DYRK1A: variants seen among roughly 807,000 people sequenced by gnomAD.
DYRK1A encodes dual specificity tyrosine-phosphorylation-regulated kinase 1A.
Under a neutral mutation model 79.7 loss-of-function variants are expected in DYRK1A, and 9 were observed. The ratio of observed to expected loss-of-function variants is 0.11; its 90% CI spans 0.07 to 0.20. The LOEUF (loss-of-function observed/expected upper bound fraction) is 0.20. Among genes scored for constraint, DYRK1A ranks in the 10% least tolerant of loss-of-function variants. The pLI, the probability that DYRK1A is intolerant of heterozygous loss-of-function variation, is 1.00. For synonymous variants in DYRK1A, 349 were observed against 329.7 expected (o/e 1.06, Z -0.63); for missense variants, 622 against 956.0 (o/e 0.65, Z 4.61).
intron 2 of DYRK1A, among the ~76,000 whole-genome samples, chr21:37,448,626 ATATTT>A (rs2051347111): frequency 6.6e-6 from 1 of 152,224 alleles, no homozygotes; most frequent in Non-Finnish European, 1.5e-5. Flanking sequence ...AAAAACTTGT[ATATTT>A]TATTTAAACT....
At chr21:37,418,373 A>G (rs2050398739) in intron 1 of DYRK1A, among the ~76,000 whole-genome samples, 2 of 152,168 alleles carry the variant, frequency 1.3e-5, no homozygotes, top group African/African-American at 4.8e-5. Context: ...GATGTGTCTT[A>G]CCTTTAGATT....
intron 1 of DYRK1A, among the ~76,000 whole-genome samples, chr21:37,396,493 TGA>T (rs2049961709): frequency 6.6e-6 from 1 of 151,988 alleles, no homozygotes; most frequent in African/African-American, 2.4e-5. Flanking sequence ...AATTATTTTT[TGA>T]GTCAGTGAAT....
chr21:37,476,539 A>G (rs768095934), intron 3 of DYRK1A, among the ~76,000 whole-genome samples: 8 of 152,196 alleles, frequency 5.3e-5, no homozygotes, highest in African/African-American at 9.7e-5. Flanking sequence ...AACTACCTAC[A>G]TGAAAACAAT....
rs1314723703 is a variant in DYRK1A, at chr21:37,490,161, G to C, written c.638-14G>C. 8 of 1,605,866 alleles carry C rather than the reference G, an allele frequency of 5.0e-6. No homozygotes were observed. In the East Asian group the frequency reaches 1.1e-4, roughly 22 times the overall value. On this transcript the variant is annotated splice_polypyrimidine_tract_variant and intron_variant, in intron 6 of 11. Coordinates refer to ENST00000647188, the MANE Select transcript of DYRK1A (RefSeq NM_001347721.2). The stretch of plus-strand genomic sequence containing the variant: ...GGTATATATAATTTAAAATGAAACT[G>C]TTTTCTCTTTCAGTGCATTTGAAAC...
chr21:37,399,568 TTTGGTG>T (rs1391476567), intron 1 of DYRK1A, among the ~76,000 whole-genome samples: 2 of 152,162 alleles, frequency 1.3e-5, no homozygotes, highest in Non-Finnish European at 2.9e-5. Context: ...TGTTGACAGT[TTTGGTG>T]TGGCATTTTA....
chr21:37,475,230 T>G (rs1047033708), intron 3 of DYRK1A, among the ~76,000 whole-genome samples: 3 of 152,162 alleles, frequency 2.0e-5, no homozygotes, highest in Non-Finnish European at 2.9e-5. Flanking sequence ...ACTTCCCTTT[T>G]ATTAGGTTAC....
intron 1 of DYRK1A, among the ~76,000 whole-genome samples, chr21:37,406,741 A>ATATATCTC (rs11281190): frequency 0.72 from 106,788 of 147,338 alleles, 39,657 homozygotes; most frequent in Non-Finnish European, 0.81. Context: ...GTATATCTCT[A>ATATATCTC]TATATCTCTA....
rs1470970890 is a variant in DYRK1A at position 37,490,261 on chromosome 21, A to C, written c.724A>C (p.Asn242His). ...CTACAACCTCTATGACTTGCTGAGA[A>C]ACACCAATTTCCGAGGGGTCTCTTT... is the stretch of plus-strand genomic sequence containing the variant. Reference protein sequence around the residue: ...LSYNLYDLLRNTNFRGVSLNL... With the variant: ...LSYNLYDLLRHTNFRGVSLNL... Residue 242 changes from asparagine to histidine, a missense_variant, in exon 7 of 12, where the codon AAC becomes CAC. Physicochemically the swap from Asn to His is moderately conservative, Grantham distance 68. Transcript: ENST00000647188. 6.2e-7 allele frequency: 1 copy of C among 1,613,834 alleles called. No individual in the cohort carries two copies. Among genetic ancestry groups the C allele is most frequent in the Non-Finnish European group, 8.5e-7 (1 of 1,179,754 alleles).
chr21:37,451,420 C>A (rs1470671808), intron 2 of DYRK1A, among the ~76,000 whole-genome samples: 1 of 143,306 alleles, frequency 7.0e-6, no homozygotes, highest in African/African-American at 2.5e-5. Context: ...AGCTCCATTC[C>A]TGTAAACGCC....
intron 2 of DYRK1A, among the ~76,000 whole-genome samples, chr21:37,447,826 A>C (rs2051321691): frequency 6.6e-6 from 1 of 152,070 alleles, no homozygotes; most frequent in African/African-American, 2.4e-5. Context: ...AGTGTGGCTA[A>C]TCTTTGCTTA....
intron 1 of DYRK1A, among the ~76,000 whole-genome samples, chr21:37,398,904 CTTT>C (rs75261593): frequency 0.081 from 11,143 of 136,982 alleles, 579 homozygotes; most frequent in Non-Finnish European, 0.12. Flanking sequence ...GGAGGAGAAA[CTTT>C]TTTTTTTTTT....
chr21:37,453,539 C>A (rs1045561714), intron 2 of DYRK1A, among the ~76,000 whole-genome samples: 1 of 152,172 alleles, frequency 6.6e-6, no homozygotes, highest in Non-Finnish European at 1.5e-5. Flanking sequence ...GAAGTCAGCA[C>A]GTGACTGATG....
intron 9 of DYRK1A, among the ~76,000 whole-genome samples, chr21:37,496,949 T>C (rs922559032): frequency 6.6e-6 from 1 of 152,224 alleles, no homozygotes; most frequent in Non-Finnish European, 1.5e-5. Flanking sequence ...TTTTTACTTT[T>C]GTTTTATAGA....
rs1467902946 is a variant in DYRK1A, at chr21:37,513,618, C to T, written c.*1087C>T. 1 of 152,650 alleles carries T rather than the reference C, an allele frequency of 6.6e-6. No homozygotes were observed. The highest frequency in any genetic ancestry group is 2.4e-5 in the African/African-American group (1 of 41,460). The allele number at this position is 152,650 out of a possible 1,614,324, so 9.5% of individuals were successfully genotyped here. On this transcript the variant is annotated 3_prime_UTR_variant, in exon 12 of 12. Transcript: ENST00000647188. ...TGGTTTGCTTTGATGGAAATAGCTA[C>T]AGCTGTGTCCCTTCCTGCTTTTTAC...
Position 37,512,195 on chromosome 21 carries a change from C to A in DYRK1A, c.1929C>A (p.His643Gln). The A allele has an allele frequency of 6.2e-7, 1 of 1,614,204 alleles. No homozygotes were observed. Among genetic ancestry groups the A allele is most frequent in the Non-Finnish European group, 8.5e-7 (1 of 1,180,034 alleles). ...TQDSMEVGHS[H>Q]HSMTSLSSST... Reference sequence around the variant, plus strand: ...ATTCTATGGAGGTTGGCCACAGTCACCACTCCATGACATCCCTGTCTTCCT... The same window carrying A: ...ATTCTATGGAGGTTGGCCACAGTCAACACTCCATGACATCCCTGTCTTCCT... Residue 643 changes from histidine (H) to glutamine (Q), a missense_variant, in exon 12 of 12, where the codon CAC becomes CAA. This residue lies in a region of DYRK1A where 292 missense variants were observed against 316.7 expected (regional missense o/e 0.92). Coordinates refer to ENST00000647188, the MANE Select transcript of DYRK1A (RefSeq NM_001347721.2).
At chr21:37,470,281 C>T (rs899660740) in intron 2 of DYRK1A, among the ~76,000 whole-genome samples, 22 of 152,068 alleles carry the variant, frequency 1.4e-4, no homozygotes, top group South Asian at 4.1e-4. Context: ...ATTTTTTCCC[C>T]GTTTCGTGAC....
rs74897050 is a variant in DYRK1A at position 37,441,681 on chromosome 21, T to G, written c.10+21297T>G. On this transcript the variant is annotated intron_variant, in intron 2 of 11. Transcript: ENST00000647188. ...GTATTCTTCTATTTCTCTACTACTG[T>G]CCTTTTTACTGACTTTAAAATAGAT... 4.6e-4 allele frequency among the ~76,000 whole-genome samples: 70 copies of G among 152,282 alleles called. No homozygotes were observed. In the East Asian group the frequency reaches 0.013, roughly 27 times the overall value.
At chr21:37,417,529 C>CTTTTTCTTTTTCTTTT (rs1555959239) in intron 1 of DYRK1A, among the ~76,000 whole-genome samples, 43 of 44,048 alleles carry the variant, frequency 9.8e-4, no homozygotes, top group Non-Finnish European at 1.5e-3. Context: ...TTTTCTTTTT[C>CTTTTTCTTTTTCTTTT]TTTTTTTTTT....
At chr21:37,465,144 T>C (rs2051981510) in intron 2 of DYRK1A, among the ~76,000 whole-genome samples, 1 of 152,224 alleles carries the variant, frequency 6.6e-6, no homozygotes, top group African/African-American at 2.4e-5. Flanking sequence ...GCTTAATCTT[T>C]CTTCACTTTC....
Sources: allele counts gnomAD v4.1 joint callset (sites outside exome capture counted in the v4.1 genomes callset), GRCh38; gene constraint gnomAD v4.1.1; regional missense constraint gnomAD v4.1.1; transcripts MANE v1.5; gene names NCBI Gene and HGNC (gene_info 2026-07-23, HGNC 2026-07-21).